Variants in AKAP19 observed in about 807,000 individuals in gnomAD.
AKAP19 encodes A-kinase anchoring protein 19, also known as small A-kinase anchoring protein.
At chr2:190,080,394 T>A in the AKAP19 span, among the ~76,000 whole-genome samples, 1 of 152,316 alleles carries the variant, frequency 6.6e-6, no homozygotes, top group Admixed American at 6.5e-5. Flanking sequence ...TTCTGAAGAT[T>A]GAGCAAAGAG....
chr2:190,034,655 G>A, the AKAP19 span, among the ~76,000 whole-genome samples: 1 of 151,324 alleles, frequency 6.6e-6, no homozygotes, highest in Non-Finnish European at 1.5e-5. Context: ...GACCAGCCTG[G>A]CCAACATGAC....
At chr2:189,947,964 C>T in the AKAP19 span, among the ~76,000 whole-genome samples, 4 of 152,060 alleles carry the variant, frequency 2.6e-5, no homozygotes, top group Non-Finnish European at 4.4e-5. Flanking sequence ...AACAGCTTTA[C>T]CAAATTCATC....
the AKAP19 span, among the ~76,000 whole-genome samples, chr2:190,114,052 A>T: frequency 6.6e-6 from 1 of 152,088 alleles, no homozygotes; most frequent in Non-Finnish European, 1.5e-5. Flanking sequence ...GGTTACTCTT[A>T]GGTTACTATA....
the AKAP19 span, among the ~76,000 whole-genome samples, chr2:189,888,063 T>A: frequency 6.6e-6 from 1 of 152,340 alleles, no homozygotes; most frequent in African/African-American, 2.4e-5. Context: ...TTGCCTAGGT[T>A]TTCTTCTAGG....
the AKAP19 span, among the ~76,000 whole-genome samples, chr2:190,185,818 T>C: frequency 6.6e-6 from 1 of 152,236 alleles, no homozygotes; most frequent in Admixed American, 6.5e-5. Flanking sequence ...AATTATAATC[T>C]GGAGATATAA....
At chr2:190,199,607 CA>C in the AKAP19 span, 2 of 704,278 alleles carry the variant, frequency 2.8e-6, no homozygotes, top group Non-Finnish European at 4.0e-6. Flanking sequence ...TCCATGTGAC[CA>C]AAGTGATGAA....
At chr2:190,115,302 T>TA in the AKAP19 span, among the ~76,000 whole-genome samples, 48 of 3,210 alleles carry the variant, frequency 0.015, no homozygotes, top group Non-Finnish European at 0.02. Context: ...TATATATATA[T>TA]TTTTTTTTTT....
the AKAP19 span, among the ~76,000 whole-genome samples, chr2:190,199,104 A>T: frequency 3.9e-5 from 6 of 152,228 alleles, no homozygotes; most frequent in Non-Finnish European, 8.8e-5. Context: ...CCAGGGGATA[A>T]AGCCAGACTC....
At chr2:190,179,756 G>A in the AKAP19 span, among the ~76,000 whole-genome samples, 29 of 152,098 alleles carry the variant, frequency 1.9e-4, no homozygotes, top group African/African-American at 7.0e-4. The surrounding 1 kb of genome is among the most constrained non-coding windows in gnomAD (Gnocchi z 6.0). Flanking sequence ...ACTCTCTTTC[G>A]TTGTACTGCT....
the AKAP19 span, among the ~76,000 whole-genome samples, chr2:189,953,649 A>AC: frequency 4.1e-3 from 594 of 144,148 alleles, 5 homozygotes; most frequent in Middle Eastern, 7.3e-3. Context: ...AAAAAAAAAA[A>AC]AAAAAAAAAA....
the AKAP19 span, among the ~76,000 whole-genome samples, chr2:189,990,402 G>C: frequency 6.6e-6 from 1 of 151,922 alleles, no homozygotes; most frequent in African/African-American, 2.4e-5. Context: ...GGTTTTTGTC[G>C]TTTATTCTAT....
At chr2:190,000,608 C>CTGAAGGTTTACCTTCATTAA in the AKAP19 span, among the ~76,000 whole-genome samples, 2 of 152,160 alleles carry the variant, frequency 1.3e-5, no homozygotes, top group African/African-American at 4.8e-5. Context: ...TATTTTTCTT[C>CTGAAGGTTTACCTTCATTAA]TGAAGGTTTA....
the AKAP19 span, among the ~76,000 whole-genome samples, chr2:189,887,403 G>T: frequency 6.6e-6 from 1 of 152,192 alleles, no homozygotes; most frequent in African/African-American, 2.4e-5. Context: ...TTGGTTCCAA[G>T]TCTTTGCTAT....
At chr2:190,139,089 G>A in the AKAP19 span, among the ~76,000 whole-genome samples, 1 of 152,198 alleles carries the variant, frequency 6.6e-6, no homozygotes, top group African/African-American at 2.4e-5. Context: ...GTAGTTTCAT[G>A]AGGGGGAATA....
At chr2:190,096,568 C>CT in the AKAP19 span, among the ~76,000 whole-genome samples, 3 of 152,082 alleles carry the variant, frequency 2.0e-5, no homozygotes, top group African/African-American at 4.8e-5. Flanking sequence ...TGGTGCTGGG[C>CT]TTTTTTTGCT....
At chr2:190,145,881 ATATAT>A in the AKAP19 span, among the ~76,000 whole-genome samples, 2 of 149,156 alleles carry the variant, frequency 1.3e-5, no homozygotes, top group African/African-American at 4.9e-5. Flanking sequence ...CTATATATAT[ATATAT>A]AAAGAGATTC....
chr2:190,176,567 C>T, the AKAP19 span, among the ~76,000 whole-genome samples: 1 of 152,192 alleles, frequency 6.6e-6, no homozygotes, highest in South Asian at 2.1e-4. This position sits in a 1 kb window ranked among gnomAD's most constrained non-coding sequence, Gnocchi z 4.7. Flanking sequence ...CCAGGCTGGT[C>T]TCAAACTCCT....
At chr2:190,149,603 T>G in the AKAP19 span, among the ~76,000 whole-genome samples, 3 of 152,198 alleles carry the variant, frequency 2.0e-5, 1 homozygote, top group African/African-American at 7.2e-5. Context: ...GAGCAAGTTA[T>G]TTAATTTCCA....
chr2:189,976,186 T>C, the AKAP19 span, among the ~76,000 whole-genome samples: 1 of 152,226 alleles, frequency 6.6e-6, no homozygotes, highest in Admixed American at 6.5e-5. Flanking sequence ...TTGTTAGTTT[T>C]CCTTCTAACA....
Sources: gnomAD v4.1 joint callset for allele counts (sites outside exome capture counted in the v4.1 genomes callset) on GRCh38, gnomAD v4.1.1 for gene constraint, Gnocchi (gnomAD v3.1) non-coding constraint, MANE v1.5 for transcripts, NCBI Gene and HGNC (gene_info 2026-07-23, HGNC 2026-07-21) for gene names.